Variants in GRM7 observed in about 807,000 individuals in gnomAD.
GRM7 encodes the protein metabotropic glutamate receptor 7.
Under a neutral mutation model 84.5 loss-of-function variants are expected in GRM7, and 35 were observed. The observed-to-expected ratio is 0.41, with a 90% CI of 0.32 to 0.55. The LOEUF (loss-of-function observed/expected upper bound fraction) is 0.55, where lower values mean the gene tolerates loss of function less well. GRM7 is among the 20% of genes least tolerant of loss of function. The pLI is 0.19. For missense variants in GRM7, 1,003 were observed against 1,194.6 expected (o/e 0.84, Z 2.36); for synonymous variants, 487 against 455.1 (o/e 1.07, Z -0.89).
chr3:7,083,150 T>C (rs1171744401), intron 1 of GRM7, among the ~76,000 whole-genome samples: 4 of 152,116 alleles, frequency 2.6e-5, no homozygotes, highest in African/African-American at 7.2e-5. Flanking sequence ...GAGAAATCTT[T>C]TGTGAAAGGA....
At chr3:7,221,132 A>T (rs1198243679) in intron 2 of GRM7, among the ~76,000 whole-genome samples, 1 of 152,086 alleles carries the variant, frequency 6.6e-6, no homozygotes, top group Non-Finnish European at 1.5e-5. Flanking sequence ...AAACAAACAA[A>T]CAAAAAAACA....
chr3:7,533,499 T>C (rs968873748), intron 7 of GRM7, among the ~76,000 whole-genome samples: 3 of 151,776 alleles, frequency 2.0e-5, no homozygotes. Context: ...ACTAAACCAG[T>C]GTTTAGAGGA....
chr3:7,724,649 G>C (rs184444502), intron 9 of GRM7, among the ~76,000 whole-genome samples: 213 of 152,250 alleles, frequency 1.4e-3, no homozygotes, highest in Admixed American at 1.3e-3. Flanking sequence ...ACAGTCAAAG[G>C]CACCAGTTTT....
chr3:7,443,707 A>G (rs1697387419), intron 5 of GRM7, among the ~76,000 whole-genome samples: 1 of 152,088 alleles, frequency 6.6e-6, no homozygotes. Flanking sequence ...AATTTCTACC[A>G]CTTGGTGGTA....
rs558077115 is a variant in GRM7 at position 7,334,922 on chromosome 3, A to G, written c.1033+28270A>G. ...CTCCCAAATTTATCAAACGATTACTACTAGACCTAAGAAATGAGATAGACA... is the reference window on the plus strand; with the variant it reads ...CTCCCAAATTTATCAAACGATTACTGCTAGACCTAAGAAATGAGATAGACA... On this transcript the variant is annotated intron_variant, in intron 4 of 9. Transcript: ENST00000357716. Among the ~76,000 whole-genome samples the G allele has an allele frequency of 2.0e-5, 3 of 152,248 alleles. No individual in the cohort carries two copies. In the South Asian group the frequency reaches 6.2e-4, roughly 32 times the overall value.
At chr3:7,138,659 G>T (rs2125060366) in intron 1 of GRM7, among the ~76,000 whole-genome samples, 1 of 151,790 alleles carries the variant, frequency 6.6e-6, no homozygotes, top group East Asian at 1.9e-4. Flanking sequence ...AAAAATACTG[G>T]CATAAAGTTT....
At chr3:6,903,494 A>G (rs1400724762) in intron 1 of GRM7, among the ~76,000 whole-genome samples, 1 of 152,138 alleles carries the variant, frequency 6.6e-6, no homozygotes. Flanking sequence ...TGCTTCTGAC[A>G]CCATCTCACA....
At chr3:7,320,717 T>TGC (rs1171871771) in intron 4 of GRM7, among the ~76,000 whole-genome samples, 2 of 151,472 alleles carry the variant, frequency 1.3e-5, no homozygotes, top group Non-Finnish European at 3.0e-5. Context: ...TGTGTGTGTG[T>TGC]GTGCAACTTC....
At chr3:7,413,250 AGT>A (rs929789253) in intron 4 of GRM7, among the ~76,000 whole-genome samples, 1 of 152,206 alleles carries the variant, frequency 6.6e-6, no homozygotes, top group Non-Finnish European at 1.5e-5. Context: ...GAAGAGCTAT[AGT>A]GTGTGCCTAA....
At chr3:6,915,359 A>G (rs879761173) in intron 1 of GRM7, among the ~76,000 whole-genome samples, 3 of 152,114 alleles carry the variant, frequency 2.0e-5, no homozygotes, top group Non-Finnish European at 2.9e-5. Context: ...GTTTTATCCC[A>G]TGTTGTACCT....
chr3:6,908,968 T>C (rs1207553599), intron 1 of GRM7, among the ~76,000 whole-genome samples: 1 of 152,158 alleles, frequency 6.6e-6, no homozygotes, highest in East Asian at 1.9e-4. Flanking sequence ...AAATTCATGA[T>C]CGACATCATA....
At chr3:7,485,230 T>A (rs1364278221) in intron 7 of GRM7, among the ~76,000 whole-genome samples, 1 of 152,200 alleles carries the variant, frequency 6.6e-6, no homozygotes, top group Non-Finnish European at 1.5e-5. Context: ...GCTTGTTGAG[T>A]CACTATGTGT....
At chr3:7,687,870 C>A (rs571301735) in intron 9 of GRM7, among the ~76,000 whole-genome samples, 1 of 152,078 alleles carries the variant, frequency 6.6e-6, no homozygotes, top group Non-Finnish European at 1.5e-5. Context: ...GCCAGTAACT[C>A]GGTCTTTAAT....
rs1041707267 is a variant in GRM7, at chr3:7,190,861, A to G, written c.736+44193A>G. Among the ~76,000 whole-genome samples the G allele has an allele frequency of 3.4e-4, 52 of 152,134 alleles. 1 individual carries two copies. Among genetic ancestry groups the G allele is most frequent in the Non-Finnish European group, 8.8e-5 (6 of 68,030 alleles). ...TAGCCAGAGACAAGGCAGGCATCAG[A>G]TAAAAGCTGTCCCAGGTATGAGAAA... On this transcript the variant is annotated intron_variant, in intron 2 of 9. Coordinates refer to ENST00000357716, the MANE Select transcript of GRM7 (RefSeq NM_000844.4).
intron 1 of GRM7, among the ~76,000 whole-genome samples, chr3:7,003,535 G>A (rs534295318): frequency 1.3e-5 from 2 of 152,252 alleles, no homozygotes; most frequent in African/African-American, 4.8e-5. Flanking sequence ...ATGATGAGAT[G>A]CTGCTGGTCT....
At chr3:7,407,848 TGTTA>T in intron 4 of GRM7, among the ~76,000 whole-genome samples, 1 of 152,316 alleles carries the variant, frequency 6.6e-6, no homozygotes, top group East Asian at 1.9e-4. Context: ...TAGTTCCTAG[TGTTA>T]AAGTACAAAG....
chr3:7,643,976 T>C (rs17673467), intron 8 of GRM7, among the ~76,000 whole-genome samples: 56,772 of 150,808 alleles, frequency 0.38, 11,014 homozygotes, highest in Middle Eastern at 0.48. Flanking sequence ...GAGAAGATCA[T>C]CAGATTGTGT....
chr3:7,056,240 A>T (rs1476795584), intron 1 of GRM7, among the ~76,000 whole-genome samples: 2 of 152,002 alleles, frequency 1.3e-5, no homozygotes, highest in Admixed American at 1.3e-4. Context: ...GTTTCTGGAA[A>T]AGAGGACTTA....
At chr3:7,011,522 A>G (rs1044834599) in intron 1 of GRM7, among the ~76,000 whole-genome samples, 2 of 152,122 alleles carry the variant, frequency 1.3e-5, no homozygotes, top group Admixed American at 6.5e-5. Flanking sequence ...TATTCTTTGC[A>G]TGCACTTTTT....
Sources: allele counts gnomAD v4.1 joint callset (sites outside exome capture counted in the v4.1 genomes callset), GRCh38; gene constraint gnomAD v4.1.1; transcripts MANE v1.5; gene names NCBI Gene and HGNC (gene_info 2026-07-23, HGNC 2026-07-21).